Variants in NRG3 observed in about 807,000 individuals in gnomAD.
NRG3 encodes neuregulin 3.
Under a neutral mutation model 66.9 loss-of-function variants are expected in NRG3, and 31 were observed. The observed-to-expected ratio is 0.46, with a 90% CI of 0.35 to 0.63. The LOEUF is 0.63. NRG3 is among the 20% of genes least tolerant of loss of function. The pLI is 0.00. For synonymous variants in NRG3, 393 were observed against 359.4 expected, an observed-to-expected ratio of 1.09 and a Z score of -1.06; for missense variants, 910 against 878.9, an observed-to-expected ratio of 1.04 and a Z score of -0.45.
chr10:82,759,961 G>GC, intron 3 of NRG3, among the ~76,000 whole-genome samples: 1 of 152,078 alleles, frequency 6.6e-6, no homozygotes, highest in East Asian at 1.9e-4. Context: ...CTGAAAATGA[G>GC]CTTTAAGGTT....
chr10:82,477,838 A>G (rs1590271400), intron 2 of NRG3, among the ~76,000 whole-genome samples: 1 of 152,186 alleles, frequency 6.6e-6, no homozygotes, highest in East Asian at 1.9e-4. Flanking sequence ...AGTTGAATCA[A>G]GTGGATTTAG....
intron 1 of NRG3, among the ~76,000 whole-genome samples, chr10:82,086,775 C>T (rs187195223): frequency 6.6e-5 from 10 of 152,224 alleles, no homozygotes; most frequent in Admixed American, 2.0e-4. Flanking sequence ...GGAAGTAGCA[C>T]GCCCATCACC....
At chr10:81,909,000 C>T (rs1844859651) in intron 1 of NRG3, among the ~76,000 whole-genome samples, 1 of 152,080 alleles carries the variant, frequency 6.6e-6, no homozygotes, top group Admixed American at 6.6e-5. Context: ...TGGCTTAAAA[C>T]AATAGAAGTG....
intron 1 of NRG3, among the ~76,000 whole-genome samples, chr10:82,050,868 C>A (rs1159025016): frequency 2.5e-5 from 3 of 120,290 alleles, no homozygotes; most frequent in African/African-American, 7.9e-5. Context: ...TCATCTTTAC[C>A]CTGGTCATTT....
chr10:82,332,377 G>A (rs2082179451), intron 1 of NRG3, among the ~76,000 whole-genome samples: 1 of 152,088 alleles, frequency 6.6e-6, no homozygotes, highest in African/African-American at 2.4e-5. Context: ...ATGGGGAGCG[G>A]ACAGTTTCTC....
intron 1 of NRG3, among the ~76,000 whole-genome samples, chr10:82,024,930 T>G (rs1373336694): frequency 6.6e-6 from 1 of 152,084 alleles, no homozygotes; most frequent in African/African-American, 2.4e-5. Flanking sequence ...TTACTGTAAT[T>G]TGGAGCTTCC....
chr10:82,326,489 T>C (rs538091785), intron 1 of NRG3, among the ~76,000 whole-genome samples: 22 of 152,262 alleles, frequency 1.4e-4, no homozygotes, highest in African/African-American at 4.3e-4. Context: ...TGAAAATAGC[T>C]TTTTGTTCTC....
At chr10:81,975,508 A>G (rs2060091810) in intron 1 of NRG3, among the ~76,000 whole-genome samples, 1 of 152,120 alleles carries the variant, frequency 6.6e-6, no homozygotes, top group Non-Finnish European at 1.5e-5. Flanking sequence ...TGATTCCTGG[A>G]AGCACCAGCA....
At chr10:81,905,468 C>T (rs1211899005) in intron 1 of NRG3, among the ~76,000 whole-genome samples, 2 of 152,196 alleles carry the variant, frequency 1.3e-5, no homozygotes, top group Admixed American at 6.5e-5. Context: ...GGCCTTCCCA[C>T]AGACCATAGA....
chr10:81,987,662 T>C (rs372923447), intron 1 of NRG3, among the ~76,000 whole-genome samples: 3 of 152,322 alleles, frequency 2.0e-5, no homozygotes, highest in East Asian at 3.9e-4. Context: ...TGAATGACAC[T>C]GGTAAAATGA....
chr10:81,957,626 G>A (rs1367201146), intron 1 of NRG3, among the ~76,000 whole-genome samples: 3 of 152,272 alleles, frequency 2.0e-5, no homozygotes, highest in African/African-American at 4.8e-5. Flanking sequence ...CAGCACCTAG[G>A]TGGTGCCTGG....
chr10:82,687,363 A>G (rs1209326849), intron 2 of NRG3, among the ~76,000 whole-genome samples: 1 of 152,084 alleles, frequency 6.6e-6, no homozygotes, highest in African/African-American at 2.4e-5. Flanking sequence ...GCTTGTAATT[A>G]TTCTTCATGC....
rs1841553453 is a variant in NRG3, at chr10:81,875,709, G to A, written c.369G>A (p.Lys123=). The A allele has an allele frequency of 3.1e-6, 5 of 1,613,570 alleles. No homozygotes were observed. The Admixed American group carries it at 5.0e-5, about 16-fold the overall frequency. ...TCTCCAAGCCCAGCTCTTTCCCCAAGGCCATGGAGACCACCACCACTACCA... is the reference window on the plus strand; with the variant it reads ...TCTCCAAGCCCAGCTCTTTCCCCAAAGCCATGGAGACCACCACCACTACCA... ...FFLSKPSSFP[K]AMETTTTTTS... Residue 123 remains lysine (K), a synonymous_variant, in exon 1 of 9, where the codon AAG becomes AAA. Coordinates refer to ENST00000372141, the MANE Select transcript of NRG3 (RefSeq NM_001010848.4). This position sits in a 1 kb window ranked among gnomAD's most constrained non-coding sequence, Gnocchi z 5.3.
intron 4 of NRG3, among the ~76,000 whole-genome samples, chr10:82,902,874 C>T (rs1844367428): frequency 6.6e-6 from 1 of 151,838 alleles, no homozygotes; most frequent in Admixed American, 6.6e-5. Context: ...CATTTATATG[C>T]AATTTTTTAT....
At chr10:82,464,892 C>G (rs750050367) in intron 2 of NRG3, among the ~76,000 whole-genome samples, 1 of 152,212 alleles carries the variant, frequency 6.6e-6, no homozygotes. Flanking sequence ...TTCCAGCAGG[C>G]AAGTGCATGC....
At chr10:82,414,151 T>C (rs2088344971) in intron 2 of NRG3, among the ~76,000 whole-genome samples, 3 of 152,160 alleles carry the variant, frequency 2.0e-5, no homozygotes. Flanking sequence ...TCACTAAGCT[T>C]AATCATTTCC....
chr10:82,203,455 T>C (rs2074952262), intron 1 of NRG3, among the ~76,000 whole-genome samples: 1 of 152,158 alleles, frequency 6.6e-6, no homozygotes, highest in Non-Finnish European at 1.5e-5. Flanking sequence ...AATTACAGGA[T>C]GTAGTCACTA....
rs73310898 is a variant in NRG3, at chr10:82,397,939, G to C, written c.953+39071G>C. On this transcript the variant is annotated intron_variant, in intron 2 of 8. Coordinates refer to ENST00000372141, the MANE Select transcript of NRG3 (RefSeq NM_001010848.4). ...CCTGCTGCTGGCTTTGGGGGCATCT[G>C]CTGTTTTTCTCACCCACAAAGGGCA... Among the ~76,000 whole-genome samples the C allele has an allele frequency of 5.5e-3, 842 of 152,280 alleles. 8 individuals are homozygous for C. Among genetic ancestry groups the C allele is most frequent in the African/African-American group, 0.02 (818 of 41,568 alleles).
chr10:82,026,987 T>C (rs1316620654), intron 1 of NRG3, among the ~76,000 whole-genome samples: 1 of 152,048 alleles, frequency 6.6e-6, no homozygotes, highest in Admixed American at 6.6e-5. Flanking sequence ...ATCACCTGTT[T>C]AATGCTATTA....
Sources: allele counts gnomAD v4.1 joint callset (sites outside exome capture counted in the v4.1 genomes callset), GRCh38; gene constraint gnomAD v4.1.1; non-coding constraint Gnocchi (gnomAD v3.1); transcripts MANE v1.5; gene names NCBI Gene and HGNC (gene_info 2026-07-23, HGNC 2026-07-21).